SAMMSON: variants seen among roughly 807,000 people sequenced by gnomAD.
SAMMSON encodes the protein long intergenic non-protein coding RNA 1212.
chr3:70,140,298 G>T, intron 4 of SAMMSON: 1 of 213,406 alleles, frequency 4.7e-6, no homozygotes, highest in Non-Finnish European at 1.0e-5. Flanking sequence ...GGAATTACTG[G>T]ATCCCCCAAC....
At chr3:70,132,380 C>G (rs1306006788) in intron 4 of SAMMSON, among the ~76,000 whole-genome samples, 1 of 152,106 alleles carries the variant, frequency 6.6e-6, no homozygotes, top group Non-Finnish European at 1.5e-5. Flanking sequence ...AAGTCTCCAC[C>G]CCAAAGTGAA....
chr3:70,025,442 C>T (rs531383080), intron 3 of SAMMSON, among the ~76,000 whole-genome samples: 36 of 152,204 alleles, frequency 2.4e-4, no homozygotes, highest in African/African-American at 8.4e-4. Context: ...GGGGTTTCAC[C>T]ATGCTGACCA....
chr3:70,275,704 G>A (rs546996767), intron 6 of SAMMSON, among the ~76,000 whole-genome samples: 7 of 152,062 alleles, frequency 4.6e-5, no homozygotes, highest in East Asian at 3.9e-4. Flanking sequence ...ACCTCAAAGC[G>A]TCGTTGAAAG....
chr3:70,311,381 G>A (rs1702452171), intron 7 of SAMMSON, among the ~76,000 whole-genome samples: 1 of 152,188 alleles, frequency 6.6e-6, no homozygotes, highest in African/African-American at 2.4e-5. Flanking sequence ...ATTTGTGTGC[G>A]TATTTCAAGC....
intron 4 of SAMMSON, chr3:70,204,640 A>G (rs1317768343): frequency 2.0e-5 from 3 of 151,524 alleles, no homozygotes; most frequent in African/African-American, 2.4e-5. Context: ...AATGAAGAGT[A>G]GTCAGCTATT....
At chr3:70,125,239 C>T (rs1207459702) in intron 4 of SAMMSON, 4 of 1,331,232 alleles carry the variant, frequency 3.0e-6, no homozygotes, top group Middle Eastern at 2.5e-4. Flanking sequence ...GACCTTCTTT[C>T]ATCAAACGTA....
At chr3:70,143,330 C>T (rs899797550) in intron 4 of SAMMSON, among the ~76,000 whole-genome samples, 7 of 151,080 alleles carry the variant, frequency 4.6e-5, no homozygotes, top group Non-Finnish European at 8.9e-5. Flanking sequence ...AGACTTATAA[C>T]TATTTTCTCC....
rs536739742 is a variant in SAMMSON at position 70,098,390 on chromosome 3, C to T, written n.507+26825C>T. On this transcript the variant is annotated intron_variant and non_coding_transcript_variant, in intron 4 of 9. Transcript: ENST00000642114. ...CTTTTTTCTTTCTTTTTTTTTGAGA[C>T]GGAATCTCGCTCTCTCTCCCAGGCT... 3.5e-3 allele frequency among the ~76,000 whole-genome samples: 533 copies of T among 151,668 alleles called. 1 individual carries two copies. The highest frequency in any genetic ancestry group is 4.3e-3 in the Non-Finnish European group (294 of 67,908).
intron 3 of SAMMSON, among the ~76,000 whole-genome samples, chr3:70,029,966 C>T (rs2067058243): frequency 1.3e-5 from 2 of 151,990 alleles, no homozygotes; most frequent in African/African-American, 4.8e-5. Context: ...CATATTTATT[C>T]CAGCTTCCTC....
At chr3:70,064,602 T>C (rs2067202293) in intron 3 of SAMMSON, among the ~76,000 whole-genome samples, 1 of 152,090 alleles carries the variant, frequency 6.6e-6, no homozygotes. Context: ...AATATTATTG[T>C]ACATCAGAGT....
chr3:70,050,715 T>A (rs1320173480), intron 3 of SAMMSON, among the ~76,000 whole-genome samples: 1 of 152,046 alleles, frequency 6.6e-6, no homozygotes, highest in Non-Finnish European at 1.5e-5. Context: ...CAATGATCAG[T>A]TGGTTGACTC....
intron 4 of SAMMSON, among the ~76,000 whole-genome samples, chr3:70,081,850 C>T (rs1280152572): frequency 6.6e-6 from 1 of 152,122 alleles, no homozygotes; most frequent in Non-Finnish European, 1.5e-5. Context: ...AATGTGACAC[C>T]TAAAATTGAA....
intron 4 of SAMMSON, among the ~76,000 whole-genome samples, chr3:70,098,436 C>T (rs1267622179): frequency 5.9e-5 from 9 of 152,004 alleles, no homozygotes; most frequent in Admixed American, 4.6e-4. Flanking sequence ...AGCACAGTCT[C>T]GGCTCACTGC....
intron 4 of SAMMSON, among the ~76,000 whole-genome samples, chr3:70,116,372 T>G (rs558858522): frequency 6.6e-6 from 1 of 150,734 alleles, no homozygotes; most frequent in East Asian, 2.0e-4. Context: ...TTTAAAATAT[T>G]TTTCTGGGAT....
At chr3:70,316,127 G>A (rs1460418521) in intron 7 of SAMMSON, among the ~76,000 whole-genome samples, 1 of 151,908 alleles carries the variant, frequency 6.6e-6, no homozygotes. Flanking sequence ...AATCTTTAAG[G>A]GCAAACTATC....
intron 4 of SAMMSON, among the ~76,000 whole-genome samples, chr3:70,197,763 C>T (rs1357407363): frequency 6.6e-6 from 1 of 152,166 alleles, no homozygotes; most frequent in Non-Finnish European, 1.5e-5. Flanking sequence ...TATTTTTAAT[C>T]TCTGTTTCCG....
chr3:70,080,560 T>C (rs1404647606), intron 4 of SAMMSON, among the ~76,000 whole-genome samples: 1 of 152,146 alleles, frequency 6.6e-6, no homozygotes, highest in Non-Finnish European at 1.5e-5. Context: ...ATGCTCTGTT[T>C]CTATTGGCTT....
intron 2 of SAMMSON, among the ~76,000 whole-genome samples, chr3:70,423,252 G>A (rs1041708600): frequency 6.6e-6 from 1 of 152,060 alleles, no homozygotes; most frequent in Admixed American, 6.6e-5. Context: ...AGTATATTTT[G>A]TATTCTTTGT....
chr3:70,249,675 G>C (rs1701741347), intron 6 of SAMMSON: 1 of 152,166 alleles, frequency 6.6e-6, no homozygotes. Flanking sequence ...AGCACAGTGA[G>C]AGTCATCCTT....
Sources: gnomAD v4.1 joint callset for allele counts (sites outside exome capture counted in the v4.1 genomes callset) on GRCh38, gnomAD v4.1.1 for gene constraint, MANE v1.5 for transcripts, NCBI Gene and HGNC (gene_info 2026-07-23, HGNC 2026-07-21) for gene names.